Variants in NLGN1 observed in about 807,000 individuals in gnomAD.
The protein encoded by NLGN1 is neuroligin 1, also known as neuroligin-1.
A neutral mutation model predicts 65.5 loss-of-function variants in NLGN1; 12 were observed. The observed-to-expected ratio is 0.18, with a 90% CI of 0.12 to 0.30. The LOEUF is 0.30. Ranked by LOEUF, NLGN1 falls within the 10% of genes least tolerant of loss-of-function variation. The pLI is 1.00. For synonymous variants in NLGN1, 350 were observed against 359.5 expected (o/e 0.97, Z 0.30); for missense variants, 750 against 1,007.1 (o/e 0.74, Z 3.46).
intron 3 of NLGN1, among the ~76,000 whole-genome samples, chr3:173,662,810 A>G (rs1226935600): frequency 6.6e-6 from 1 of 151,972 alleles, no homozygotes; most frequent in Non-Finnish European, 1.5e-5. Flanking sequence ...GCTGTTTTAA[A>G]TCTCACAATT....
chr3:173,792,070 T>A (rs1264920155), intron 3 of NLGN1, among the ~76,000 whole-genome samples: 7 of 152,054 alleles, frequency 4.6e-5, no homozygotes, highest in Non-Finnish European at 8.8e-5. Context: ...CCAGCCTGCA[T>A]GGTAAAAGAG....
chr3:173,880,217 C>T (rs1410002127), intron 4 of NLGN1, among the ~76,000 whole-genome samples: 1 of 152,008 alleles, frequency 6.6e-6, no homozygotes, highest in African/African-American at 2.4e-5. Context: ...ATATTGCTCA[C>T]ATGTAGATTG....
At chr3:174,175,456 G>T (rs750274528) in intron 4 of NLGN1, among the ~76,000 whole-genome samples, 1 of 151,652 alleles carries the variant, frequency 6.6e-6, no homozygotes, top group Admixed American at 6.6e-5. Context: ...AGCTACTCCT[G>T]CTCTTTCTGG....
At chr3:173,533,621 AT>A (rs759073679) in intron 2 of NLGN1, among the ~76,000 whole-genome samples, 1 of 152,168 alleles carries the variant, frequency 6.6e-6, no homozygotes, top group Non-Finnish European at 1.5e-5. Context: ...ACCAAACGAC[AT>A]GTTTGACACA....
chr3:173,643,605 A>G (rs1044427589), intron 3 of NLGN1, among the ~76,000 whole-genome samples: 3 of 152,342 alleles, frequency 2.0e-5, no homozygotes, highest in African/African-American at 7.2e-5. Context: ...ACAGATGCTC[A>G]TTCCTCATTC....
intron 2 of NLGN1, among the ~76,000 whole-genome samples, chr3:173,471,778 C>T (rs932949888): frequency 6.6e-6 from 1 of 151,998 alleles, no homozygotes; most frequent in Non-Finnish European, 1.5e-5. Flanking sequence ...TGCTGCTTTC[C>T]AGAACCTAAG....
At chr3:173,510,828 T>C (rs1199437896) in intron 2 of NLGN1, among the ~76,000 whole-genome samples, 3 of 152,218 alleles carry the variant, frequency 2.0e-5, no homozygotes, top group Non-Finnish European at 2.9e-5. Flanking sequence ...CTGTGGGTCC[T>C]GTCTGGAAAT....
chr3:174,234,947 A>T, intron 4 of NLGN1, among the ~76,000 whole-genome samples: 2 of 110,694 alleles, frequency 1.8e-5, no homozygotes, highest in African/African-American at 3.7e-5. Flanking sequence ...TTTTATATAT[A>T]TATCATCCTT....
intron 4 of NLGN1, among the ~76,000 whole-genome samples, chr3:173,855,592 T>A (rs1727797588): frequency 6.6e-6 from 1 of 152,086 alleles, no homozygotes. Flanking sequence ...CTTTGCTAAA[T>A]GTCACAAACT....
intron 2 of NLGN1, among the ~76,000 whole-genome samples, chr3:173,480,009 T>C (rs1726990855): frequency 1.3e-5 from 2 of 152,118 alleles, no homozygotes; most frequent in Admixed American, 1.3e-4. Context: ...CTGGCCTGAA[T>C]ATGTAAAGAG....
chr3:173,978,961 T>A (rs768868974), intron 4 of NLGN1, among the ~76,000 whole-genome samples: 1 of 151,428 alleles, frequency 6.6e-6, no homozygotes. Context: ...GCCAAGATCA[T>A]GCTACCACAC....
At chr3:174,260,851 T>C (rs1361481674) in intron 4 of NLGN1, among the ~76,000 whole-genome samples, 5 of 148,540 alleles carry the variant, frequency 3.4e-5, no homozygotes, top group African/African-American at 7.4e-5. Context: ...CATCTTGAAT[T>C]GATTTTTGTA....
In NLGN1 at chr3:173,929,287, A is replaced by G. The variant is rs116514624; in HGVS notation, c.646+121455A>G. Among the ~76,000 whole-genome samples the G allele has an allele frequency of 8.3e-3, 1,269 of 152,288 alleles. 10 individuals are homozygous for G. The highest frequency in any genetic ancestry group is 0.029 in the African/African-American group (1,187 of 41,568). The stretch of plus-strand genomic sequence containing the variant: ...TGTAACCATTGCAGGATGATCAGCT[A>G]TCTTCTTGTCATCAGGGGCTTACAA... On this transcript the variant is annotated intron_variant, in intron 4 of 6. Coordinates refer to ENST00000457714, the Ensembl canonical transcript of NLGN1.
intron 4 of NLGN1, among the ~76,000 whole-genome samples, chr3:174,140,732 A>G (rs1722129433): frequency 6.6e-6 from 1 of 152,124 alleles, no homozygotes; most frequent in Admixed American, 6.5e-5. Context: ...TTTCCATGTC[A>G]TGGATTATTT....
intron 4 of NLGN1, among the ~76,000 whole-genome samples, chr3:173,892,592 TG>T (rs1443777390): frequency 7.8e-6 from 1 of 128,182 alleles, no homozygotes; most frequent in Non-Finnish European, 1.6e-5. Context: ...AAAAAAAAAA[TG>T]ACAGTTAAGA....
At chr3:174,106,677 A>G (rs1193422118) in intron 4 of NLGN1, among the ~76,000 whole-genome samples, 23 of 151,942 alleles carry the variant, frequency 1.5e-4, no homozygotes, top group Non-Finnish European at 1.5e-5. Context: ...GAGATTTTTA[A>G]ATGTGAACTG....
At chr3:174,191,628 A>G (rs1177969048) in intron 4 of NLGN1, among the ~76,000 whole-genome samples, 1 of 152,202 alleles carries the variant, frequency 6.6e-6, no homozygotes, top group Non-Finnish European at 1.5e-5. Context: ...TGAACAGGCC[A>G]CCACATTCAA....
intron 4 of NLGN1, among the ~76,000 whole-genome samples, chr3:173,854,832 G>T (rs2861604): frequency 0.85 from 129,925 of 152,058 alleles, 56,121 homozygotes; most frequent in African/African-American, 0.9. Flanking sequence ...TTAGCAGGGT[G>T]AACTTACATC....
intron 4 of NLGN1, among the ~76,000 whole-genome samples, chr3:174,066,439 T>C (rs1738564273): frequency 6.6e-6 from 1 of 151,906 alleles, no homozygotes; most frequent in Non-Finnish European, 1.5e-5. Context: ...TTTACAAAAG[T>C]TGATTCTCTT....
Sources: gnomAD v4.1 joint callset for allele counts (sites outside exome capture counted in the v4.1 genomes callset) on GRCh38, gnomAD v4.1.1 for gene constraint, MANE v1.5 for transcripts, NCBI Gene and HGNC (gene_info 2026-07-23, HGNC 2026-07-21) for gene names.